HYDIN: variants seen among roughly 807,000 people sequenced by gnomAD.
HYDIN encodes HYDIN axonemal central pair apparatus protein.
Under a neutral mutation model 403.9 loss-of-function variants are expected in HYDIN, and 132 were observed. The ratio of observed to expected loss-of-function variants is 0.33; its 90% CI spans 0.28 to 0.38. The LOEUF (loss-of-function observed/expected upper bound fraction) is 0.38, where lower values mean the gene tolerates loss of function less well. HYDIN is among the 10% of genes least tolerant of loss of function. The pLI, the probability that HYDIN is intolerant of heterozygous loss-of-function variation, is 1.00. For synonymous variants in HYDIN, 1,202 were observed against 1,891.7 expected (o/e 0.64, Z 9.46); for missense variants, 2,827 against 5,009.5 (o/e 0.56, Z 13.15).
At chr16:71,186,438 T>C (rs536443395) in intron 2 of HYDIN, among the ~76,000 whole-genome samples, 5 of 152,182 alleles carry the variant, frequency 3.3e-5, no homozygotes, top group Non-Finnish European at 7.4e-5. Context: ...AATTCTGATA[T>C]TTGACTGTTT....
intron 45 of HYDIN, among the ~76,000 whole-genome samples, chr16:70,922,667 G>A (rs1182398380): frequency 6.6e-6 from 1 of 151,292 alleles, no homozygotes. Context: ...TAAAGAAGCA[G>A]CCATAAAGGA....
intron 65 of HYDIN, among the ~76,000 whole-genome samples, chr16:70,870,120 A>G (rs1212220654): frequency 6.6e-6 from 1 of 152,020 alleles, no homozygotes; most frequent in Non-Finnish European, 1.5e-5. Context: ...CTGGCATAAA[A>G]AATTTCTAAG....
At chr16:71,010,413 T>C (rs1470184431) in intron 23 of HYDIN, among the ~76,000 whole-genome samples, 4 of 152,146 alleles carry the variant, frequency 2.6e-5, no homozygotes, top group Non-Finnish European at 5.9e-5. Context: ...CCTCCCCACC[T>C]CCTGAAATGG....
At chr16:70,876,181 A>C (rs1453144759) in intron 62 of HYDIN, among the ~76,000 whole-genome samples, 13 of 147,630 alleles carry the variant, frequency 8.8e-5, no homozygotes, top group African/African-American at 2.8e-4. Flanking sequence ...GCTTGTCTGC[A>C]CATTTTTTTT....
intron 71 of HYDIN, among the ~76,000 whole-genome samples, chr16:70,858,734 G>A (rs2039189967): frequency 6.6e-6 from 1 of 152,176 alleles, no homozygotes; most frequent in South Asian, 2.1e-4. Flanking sequence ...CATGACTTTG[G>A]ATGATGGATT....
At position 70,860,228 on chromosome 16, in the gene HYDIN, G is replaced by C. The variant is rs531627244; in HGVS notation, c.11991-22C>G. ...GGTCCTGGCCAGGGTGGAGAGAATT[G>C]ACAGAAGAGAGTGGGACAGGGGATT... is the stretch of plus-strand genomic sequence containing the variant. On this transcript the variant is annotated intron_variant, in intron 70 of 85. Coordinates refer to ENST00000393567, the MANE Select transcript of HYDIN (RefSeq NM_001270974.2). The C allele has an allele frequency of 9.6e-5, 155 of 1,607,434 alleles. 1 individual carries two copies. In the South Asian group the frequency reaches 1.6e-3, roughly 16 times the overall value.
In HYDIN at chr16:70,943,839, G is replaced by C. The variant is rs370320329; in HGVS notation, c.6642C>G (p.Leu2214=). ...GTATCCGCTCTGCCAGGATCTGCAC[G>C]AGAAGTTCATCCGGGAGCACACAGC... is the stretch of plus-strand genomic sequence containing the variant. ...LMSCVLPDEL[L]VQILAERIQL... Residue 2214 remains leucine, a synonymous_variant, in exon 42 of 86, where the codon CTC becomes CTG. Transcript: ENST00000393567. 2 of 1,613,356 alleles carry C rather than the reference G, an allele frequency of 1.2e-6. No homozygotes were observed. The highest frequency in any genetic ancestry group is 1.7e-6 in the Non-Finnish European group (2 of 1,180,014).
Position 71,093,860 on chromosome 16 carries a change from A to G in HYDIN, c.1403T>C (p.Leu468Pro). ...TCCAGTGAAAACTTTCCCAATATCC[A>G]GCAATTCAAAGTTGAAGTGAATCTT... ...GPKIHFNFEL[L>P]DIGKVFTGSA... The change falls in exon 11 of 86, where the codon CTG becomes CCG. Residue 468 changes from leucine (L) to proline (P), a missense_variant. Leu to Pro is a moderately conservative substitution (Grantham distance 98). Coordinates refer to ENST00000393567, the MANE Select transcript of HYDIN (RefSeq NM_001270974.2). 1.2e-6 allele frequency: 2 copies of G among 1,613,778 alleles called. No homozygotes were observed. The highest frequency in any genetic ancestry group is 1.7e-6 in the Non-Finnish European group (2 of 1,179,806).
chr16:71,184,366 A>C (rs2087039286), intron 3 of HYDIN, among the ~76,000 whole-genome samples: 2 of 152,172 alleles, frequency 1.3e-5, no homozygotes. Flanking sequence ...AAAGCCTGGA[A>C]GGTATGGTTT....
At chr16:70,902,821 A>ATATATATATTT in intron 52 of HYDIN, among the ~76,000 whole-genome samples, 2 of 47,312 alleles carry the variant, frequency 4.2e-5, no homozygotes, top group Non-Finnish European at 7.3e-5. Flanking sequence ...ATATATATAT[A>ATATATATATTT]TTTTTTTTTT....
intron 45 of HYDIN, among the ~76,000 whole-genome samples, chr16:70,931,387 T>G (rs1223787207): frequency 1.3e-5 from 2 of 151,500 alleles, no homozygotes; most frequent in Non-Finnish European, 2.9e-5. Context: ...GTTTAAAGAT[T>G]CCTGACAATA....
At chr16:71,214,287 T>C (rs1029710565) in intron 1 of HYDIN, among the ~76,000 whole-genome samples, 15 of 152,090 alleles carry the variant, frequency 9.9e-5, no homozygotes, top group African/African-American at 2.7e-4. Context: ...AAATTCAGTA[T>C]TGTAAAAGAT....
At chr16:71,085,617 C>T (rs1005670669) in intron 12 of HYDIN, among the ~76,000 whole-genome samples, 3 of 152,132 alleles carry the variant, frequency 2.0e-5, no homozygotes, top group Non-Finnish European at 4.4e-5. Context: ...TCTGTCTGCA[C>T]TTCACATATT....
intron 18 of HYDIN, among the ~76,000 whole-genome samples, chr16:71,049,643 G>C (rs1373825459): frequency 6.6e-6 from 1 of 151,690 alleles, no homozygotes; most frequent in Admixed American, 6.6e-5. Context: ...ATTCATTCTG[G>C]AACAATCAAT....
At position 71,031,496 on chromosome 16, in the gene HYDIN, G is replaced by A. The variant is rs1322149851; in HGVS notation, c.2768+183C>T. The A allele has an allele frequency of 2.2e-5, 29 of 1,333,124 alleles. No homozygotes were observed. The East Asian group carries it at 7.9e-4, about 36-fold the overall frequency. 82.6% of individuals were successfully genotyped at this position (1,333,124 alleles called of 1,614,324 possible). A position where few individuals can be genotyped will look rare whatever the true frequency, so the allele number is the denominator to read the frequency against. On this transcript the variant is annotated intron_variant, in intron 19 of 85. Transcript: ENST00000393567. ...GGATTAGAGAATGCAACCAAGTTAT[G>A]GCTAGAAAATGTCTTCTTGTTGCTG...
intron 1 of HYDIN, among the ~76,000 whole-genome samples, chr16:71,188,625 A>C (rs530088925): frequency 1.2e-4 from 19 of 152,356 alleles, no homozygotes; most frequent in Admixed American, 7.2e-4. Context: ...CATATAAAGC[A>C]GAAATTATGG....
chr16:70,865,685 G>A (rs2039705743), intron 67 of HYDIN, among the ~76,000 whole-genome samples: 1 of 151,556 alleles, frequency 6.6e-6, no homozygotes, highest in African/African-American at 2.4e-5. Flanking sequence ...ATAGCTGTGG[G>A]GTTCTCTGAG....
intron 77 of HYDIN, among the ~76,000 whole-genome samples, chr16:70,836,765 C>T (rs558287477): frequency 1.3e-5 from 2 of 152,336 alleles, no homozygotes; most frequent in South Asian, 4.1e-4. Context: ...GTCTGTCCCA[C>T]CAGTCATGAG....
intron 32 of HYDIN, 106 bp downstream of exon 32, chr16:70,974,428 T>C (rs2078829099): frequency 2.0e-6 from 3 of 1,472,086 alleles, no homozygotes; most frequent in Middle Eastern, 1.8e-4. Flanking sequence ...AGAATCCTTT[T>C]AGCTGATCCC....
Sources: gnomAD v4.1 joint callset for allele counts (sites outside exome capture counted in the v4.1 genomes callset) on GRCh38, gnomAD v4.1.1 for gene constraint, MANE v1.5 for transcripts, NCBI Gene and HGNC (gene_info 2026-07-23, HGNC 2026-07-21) for gene names.